The following ME2 variants were observed in gnomAD, a reference collection of about 807,000 sequenced individuals.
ME2 encodes the protein malic enzyme 2, also known as NAD-dependent malic enzyme, mitochondrial.
A neutral mutation model predicts 73.7 loss-of-function variants in ME2; 60 were observed. The ratio of observed to expected loss-of-function variants is 0.81; its 90% CI spans 0.66 to 1.01. ME2 has a LOEUF of 1.01. ME2 is among the 50% of genes least tolerant of loss of function. ME2 has a pLI of 0.00. For synonymous variants in ME2, 199 were observed against 236.9 expected (o/e 0.84, Z 1.47); for missense variants, 594 against 705.5 (o/e 0.84, Z 1.79).
chr18:50,927,771 T>G (rs1187421919), intron 12 of ME2, among the ~76,000 whole-genome samples: 1 of 135,392 alleles, frequency 7.4e-6, no homozygotes, highest in South Asian at 2.5e-4. Context: ...AGTACTGTTA[T>G]ACCTCATAAT....
intron 1 of ME2, among the ~76,000 whole-genome samples, chr18:50,881,322 C>G (rs1026119448): frequency 1.3e-5 from 2 of 152,144 alleles, no homozygotes; most frequent in Non-Finnish European, 2.9e-5. Flanking sequence ...CAGGAGTGAG[C>G]CACCATGCCC....
At chr18:50,885,028 G>A (rs1176049195) in intron 1 of ME2, among the ~76,000 whole-genome samples, 1 of 152,064 alleles carries the variant, frequency 6.6e-6, no homozygotes, top group African/African-American at 2.4e-5. Flanking sequence ...CTAATTTTTT[G>A]TGTTTTTAGT....
At chr18:50,890,289 CT>C (rs1916574950) in intron 1 of ME2, among the ~76,000 whole-genome samples, 1 of 151,804 alleles carries the variant, frequency 6.6e-6, no homozygotes. Flanking sequence ...TTTTTTTGTA[CT>C]TTTTGTAGAG....
intron 13 of ME2, among the ~76,000 whole-genome samples, chr18:50,936,297 G>A (rs1426965378): frequency 6.6e-6 from 1 of 152,072 alleles, no homozygotes; most frequent in Non-Finnish European, 1.5e-5. Context: ...AAAGCAAAAT[G>A]AAGACATTTT....
intron 7 of ME2, among the ~76,000 whole-genome samples, chr18:50,919,614 C>A (rs1391494289): frequency 2.0e-5 from 3 of 152,142 alleles, no homozygotes; most frequent in Non-Finnish European, 4.4e-5. Context: ...CCTGCATCTT[C>A]TGCTTCAGAT....
In ME2 at chr18:50,940,719, G is replaced by A. The variant is rs192833390; in HGVS notation, c.1587+333G>A. ...GGCCTGAAGCGATCCTCCTGCCTTG[G>A]ACTCCCACAGTGCTTGGATTACTGG... On this transcript the variant is annotated intron_variant, in intron 15 of 15. Coordinates refer to ENST00000321341, the MANE Select transcript of ME2 (RefSeq NM_002396.5). Among the ~76,000 whole-genome samples, 22 of 152,222 alleles carry A rather than the reference G, an allele frequency of 1.4e-4. No individual in the cohort carries two copies. In the East Asian group the frequency reaches 4.2e-3, roughly 29 times the overall value.
intron 7 of ME2, 141 bp from the exon 8 acceptor site, chr18:50,920,315 C>CTCTG: frequency 1.7e-6 from 1 of 587,610 alleles, no homozygotes; most frequent in Non-Finnish European, 2.9e-6. Context: ...TAGTCTTTCA[C>CTCTG]AGGCTCTGAA....
intron 2 of ME2, among the ~76,000 whole-genome samples, chr18:50,905,132 A>G (rs1916989272): frequency 6.6e-6 from 1 of 152,006 alleles, no homozygotes; most frequent in Non-Finnish European, 1.5e-5. Flanking sequence ...GACTACAGGC[A>G]CATGCCACCA....
intron 1 of ME2, among the ~76,000 whole-genome samples, chr18:50,883,991 T>A (rs956006756): frequency 6.6e-6 from 1 of 152,236 alleles, no homozygotes; most frequent in Non-Finnish European, 1.5e-5. Flanking sequence ...CTGTCATCTT[T>A]GTGTAACATA....
chr18:50,889,496 C>T (rs1488730636), intron 1 of ME2, among the ~76,000 whole-genome samples: 1 of 152,144 alleles, frequency 6.6e-6, no homozygotes, highest in Admixed American at 6.6e-5. Context: ...CTTTATCTGG[C>T]TCTTCATCTG....
intron 10 of ME2, among the ~76,000 whole-genome samples, chr18:50,922,315 C>T (rs1917447621): frequency 6.6e-6 from 1 of 152,090 alleles, no homozygotes; most frequent in African/African-American, 2.4e-5. Flanking sequence ...AATGAAGAAA[C>T]AGTTTAAAAG....
Position 50,918,138 on chromosome 18 carries a change from G to A in ME2, c.659G>A (p.Gly220Asp), listed in dbSNP as rs750487049. Residue 220 changes from glycine to aspartate, a missense_variant, in exon 7 of 16, where the codon GGC (glycine) becomes GAC (aspartate). Transcript: ENST00000321341. ...CTCTTAAAAGACCCATTTTACATGGGCTTGTACCAGAAACGAGATCGCACA... is the reference window on the plus strand; with the variant it reads ...CTCTTAAAAGACCCATTTTACATGGACTTGTACCAGAAACGAGATCGCACA... ...IALLKDPFYM[G>D]LYQKRDRTQQ... 1.2e-6 allele frequency: 2 copies of A among 1,607,282 alleles called. No individual in the cohort carries two copies. Among genetic ancestry groups the A allele is most frequent in the South Asian group, 1.1e-5 (1 of 90,140 alleles).
chr18:50,922,328 C>T (rs1397974105), intron 10 of ME2, among the ~76,000 whole-genome samples: 1 of 152,084 alleles, frequency 6.6e-6, no homozygotes, highest in Non-Finnish European at 1.5e-5. Flanking sequence ...TTTAAAAGGT[C>T]GAGGGAGTTT....
intron 2 of ME2, among the ~76,000 whole-genome samples, chr18:50,907,726 G>A (rs1420243406): frequency 6.6e-6 from 1 of 152,128 alleles, no homozygotes; most frequent in African/African-American, 2.4e-5. Context: ...TAAACTTTTT[G>A]TATATGCCTT....
intron 1 of ME2, among the ~76,000 whole-genome samples, chr18:50,889,486 C>CT (rs1380039965): frequency 6.6e-6 from 1 of 152,148 alleles, no homozygotes; most frequent in Non-Finnish European, 1.5e-5. Flanking sequence ...CTCTACATCT[C>CT]TTTATCTGGC....
At chr18:50,879,883 A>G (rs920722993) in intron 1 of ME2, among the ~76,000 whole-genome samples, 1 of 152,220 alleles carries the variant, frequency 6.6e-6, no homozygotes, top group Non-Finnish European at 1.5e-5. Context: ...CACGCTGGCG[A>G]TAACTATCTC....
chr18:50,922,688 A>G (rs927067029), intron 10 of ME2, among the ~76,000 whole-genome samples: 4 of 152,188 alleles, frequency 2.6e-5, no homozygotes, highest in South Asian at 4.1e-4. Flanking sequence ...CTCCATATTC[A>G]TCATCAGATT....
Position 50,884,859 on chromosome 18 carries a change from TG to T in ME2, c.-13+5552del, listed in dbSNP as rs1456324444. On this transcript the variant is annotated intron_variant, in intron 1 of 15. Transcript: ENST00000321341. ...GTGTGTGTTTGTGTGTGTGTGTGTG[TG>T]TGTGTGTGTCTGAAACGGAGTTTCG... Among the ~76,000 whole-genome samples the T allele has an allele frequency of 4.3e-4, 66 of 152,042 alleles. 1 individual carries two copies. Among genetic ancestry groups the T allele is most frequent in the African/African-American group, 1.5e-3 (64 of 41,398 alleles).
intron 1 of ME2, among the ~76,000 whole-genome samples, 163 bp downstream of exon 1, chr18:50,879,471 C>T (rs1238145210): frequency 6.6e-6 from 1 of 152,092 alleles, no homozygotes; most frequent in Non-Finnish European, 1.5e-5. Context: ...GGAAGGGAAG[C>T]GGTCTGCGGA....
Sources: gnomAD v4.1 joint callset for allele counts (sites outside exome capture counted in the v4.1 genomes callset) on GRCh38, gnomAD v4.1.1 for gene constraint, MANE v1.5 for transcripts, NCBI Gene and HGNC (gene_info 2026-07-23, HGNC 2026-07-21) for gene names.